ARHGAP31: variants seen among roughly 807,000 people sequenced by gnomAD.
The protein encoded by ARHGAP31 is rho GTPase-activating protein 31.
ARHGAP31 carries 34 observed loss-of-function variants against 113.9 expected under a neutral mutation model. That is an observed-to-expected ratio of 0.30 (90% confidence interval 0.23 to 0.40). The LOEUF (loss-of-function observed/expected upper bound fraction) is 0.40. Among genes scored for constraint, ARHGAP31 ranks in the 10% least tolerant of loss-of-function variants. ARHGAP31 has a pLI of 1.00. For synonymous variants in ARHGAP31, 650 were observed against 684.8 expected (o/e 0.95, Z 0.79); for missense variants, 1,548 against 1,767.1 (o/e 0.88, Z 2.22).
intron 1 of ARHGAP31, among the ~76,000 whole-genome samples, chr3:119,300,349 T>C (rs1249737223): frequency 6.6e-6 from 1 of 152,134 alleles, no homozygotes; most frequent in Admixed American, 6.5e-5. Flanking sequence ...TCCAATTAAA[T>C]GAGTAAATGA....
chr3:119,376,280 G>A (rs2080348496), intron 3 of ARHGAP31, among the ~76,000 whole-genome samples: 1 of 152,180 alleles, frequency 6.6e-6, no homozygotes, highest in African/African-American at 2.4e-5. Context: ...CTTGAGGTCA[G>A]TAGTTTGAGA....
intron 1 of ARHGAP31, among the ~76,000 whole-genome samples, chr3:119,323,151 G>T (rs1406687545): frequency 6.6e-6 from 1 of 152,146 alleles, no homozygotes; most frequent in Non-Finnish European, 1.5e-5. Context: ...CGGCGCTGGG[G>T]ACTCACACGC....
chr3:119,337,279 G>GA (rs1024458207), intron 1 of ARHGAP31, among the ~76,000 whole-genome samples: 6 of 152,160 alleles, frequency 3.9e-5, no homozygotes, highest in Admixed American at 2.6e-4. Context: ...CAGACGTCAG[G>GA]AGTGAAGCTG....
intron 3 of ARHGAP31, among the ~76,000 whole-genome samples, chr3:119,379,540 C>T (rs2080377345): frequency 6.6e-6 from 1 of 152,182 alleles, no homozygotes; most frequent in South Asian, 2.1e-4. Context: ...AAAACCATCA[C>T]CACGGTTAGG....
intron 1 of ARHGAP31, among the ~76,000 whole-genome samples, chr3:119,332,627 TCTCTCTCTCACACACACACACA>T (rs2079903744): frequency 8.2e-6 from 1 of 121,420 alleles, no homozygotes; most frequent in African/African-American, 3.7e-5. Context: ...TCTCTCTCTC[TCTCTCTCTCACACACACACACA>T]CACACACACA....
chr3:119,346,028 T>C (rs1459355306), intron 1 of ARHGAP31, among the ~76,000 whole-genome samples: 3 of 152,206 alleles, frequency 2.0e-5, no homozygotes, highest in Non-Finnish European at 4.4e-5. Flanking sequence ...CTGCCCTCTA[T>C]TGGGTCCTGT....
In ARHGAP31 at chr3:119,409,504, C is replaced by A. The variant is rs370183659; in HGVS notation, c.1654C>A (p.Pro552Thr). The A allele has an allele frequency of 2.3e-5, 37 of 1,614,038 alleles. No individual in the cohort carries two copies. The highest frequency in any genetic ancestry group is 3.1e-5 in the Non-Finnish European group (36 of 1,180,042). Reference sequence around the variant, plus strand: ...TCTCATTTTCACTGCAGCTTCTGTACCTAAGAAGGCAGGTCTTGAGGATGC... The same window carrying A: ...TCTCATTTTCACTGCAGCTTCTGTAACTAAGAAGGCAGGTCTTGAGGATGC... ...LGAETSAASV[P>T]KKAGLEDAKA... The change falls in exon 11 of 12, where the codon CCT (proline) becomes ACT (threonine). Residue 552 changes from proline (P) to threonine (T), a missense_variant. By Grantham distance (38) the Pro-to-Thr change is conservative. Coordinates refer to ENST00000264245, the MANE Select transcript of ARHGAP31 (RefSeq NM_020754.4).
intron 1 of ARHGAP31, among the ~76,000 whole-genome samples, chr3:119,323,253 A>G (rs1273115641): frequency 2.0e-5 from 3 of 152,022 alleles, no homozygotes. Context: ...GCGGCCACCG[A>G]GCCCAGAAGC....
rs2079596699 is a variant in ARHGAP31, at chr3:119,302,846, T to A, written c.100+7842T>A. Among the ~76,000 whole-genome samples, 4 of 152,214 alleles carry A rather than the reference T, an allele frequency of 2.6e-5. No individual in the cohort carries two copies. In the South Asian group the frequency reaches 8.3e-4, roughly 32 times the overall value. On this transcript the variant is annotated intron_variant, in intron 1 of 11. Transcript: ENST00000264245. The stretch of plus-strand genomic sequence containing the variant: ...GTGATTTTGCTCCCTTTGCTTTGTT[T>A]TTCCCACAGCCTAAACCATGAAGAG...
chr3:119,311,867 G>A (rs1027467052), intron 1 of ARHGAP31, among the ~76,000 whole-genome samples: 2 of 152,242 alleles, frequency 1.3e-5, no homozygotes, highest in South Asian at 2.1e-4. Context: ...ACTCAGAGGA[G>A]TGGGATCTTA....
intron 1 of ARHGAP31, among the ~76,000 whole-genome samples, chr3:119,343,096 T>A (rs1175979944): frequency 6.6e-6 from 1 of 152,240 alleles, no homozygotes; most frequent in Non-Finnish European, 1.5e-5. Context: ...CTCCTGATTA[T>A]CATTGACAGG....
intron 1 of ARHGAP31, among the ~76,000 whole-genome samples, chr3:119,304,095 C>T (rs2079610043): frequency 6.6e-6 from 1 of 152,142 alleles, no homozygotes; most frequent in African/African-American, 2.4e-5. Flanking sequence ...CACCCGGCCT[C>T]TTTTCATGTT....
At position 119,365,395 on chromosome 3, in the gene ARHGAP31, C is replaced by T; in HGVS notation, c.180C>T (p.Val60=). The change falls in exon 2 of 12, where the codon GTC becomes GTT. Residue 60 remains valine, a synonymous_variant. Coordinates refer to ENST00000264245, the MANE Select transcript of ARHGAP31 (RefSeq NM_020754.4). ...ATGGAATCTATCGGCTTTCAGGAGT[C>T]ACCTCAAACATACAACGGCTAAGGT... The part of the protein sequence containing the change: ...IVDGIYRLSG[V]TSNIQRLRQE... The T allele has an allele frequency of 6.2e-7, 1 of 1,614,006 alleles. No homozygotes were observed.
At chr3:119,378,271 A>G (rs920650066) in intron 3 of ARHGAP31, among the ~76,000 whole-genome samples, 2 of 152,168 alleles carry the variant, frequency 1.3e-5, no homozygotes, top group Admixed American at 6.5e-5. Context: ...GACAACATAG[A>G]GAAGCTCGAA....
At chr3:119,409,856 GA>G (rs202051371) in intron 11 of ARHGAP31, 80 bp downstream of exon 11, 29 of 1,417,036 alleles carry the variant, frequency 2.0e-5, no homozygotes, top group African/African-American at 1.0e-4. Flanking sequence ...AAAGTAAATT[GA>G]AAAAAAATTT....
intron 3 of ARHGAP31, among the ~76,000 whole-genome samples, chr3:119,374,346 C>G (rs1321553061): frequency 6.6e-6 from 1 of 152,216 alleles, no homozygotes; most frequent in African/African-American, 2.4e-5. Context: ...CACCTGTTCT[C>G]CCTTCGCCTT....
At chr3:119,340,723 A>G (rs1271342984) in intron 1 of ARHGAP31, among the ~76,000 whole-genome samples, 1 of 152,194 alleles carries the variant, frequency 6.6e-6, no homozygotes, top group Non-Finnish European at 1.5e-5. Context: ...CCGTTTCCAT[A>G]CACAAGCCAA....
At chr3:119,355,901 T>C (rs1021732124) in intron 1 of ARHGAP31, among the ~76,000 whole-genome samples, 4 of 152,168 alleles carry the variant, frequency 2.6e-5, no homozygotes, top group East Asian at 3.8e-4. Flanking sequence ...GACATTTGGA[T>C]TGGTTCCAAG....
intron 3 of ARHGAP31, among the ~76,000 whole-genome samples, chr3:119,369,924 A>T (rs979828390): frequency 1.3e-5 from 2 of 151,996 alleles, no homozygotes; most frequent in Non-Finnish European, 2.9e-5. Flanking sequence ...GAAAAACAAA[A>T]TCAAGAAATA....
Sources: gnomAD v4.1 joint callset for allele counts (sites outside exome capture counted in the v4.1 genomes callset) on GRCh38, gnomAD v4.1.1 for gene constraint, MANE v1.5 for transcripts, NCBI Gene and HGNC (gene_info 2026-07-23, HGNC 2026-07-21) for gene names.